Variants in ZIM2 observed in about 807,000 individuals in gnomAD.
The protein encoded by ZIM2 is zinc finger protein 656.
Under a neutral mutation model 38.6 loss-of-function variants are expected in ZIM2, and 14 were observed. The observed-to-expected ratio is 0.36, with a 90% confidence interval of 0.24 to 0.57. The LOEUF (loss-of-function observed/expected upper bound fraction) is 0.57. ZIM2 is among the 20% of genes least tolerant of loss of function. The pLI, the probability that ZIM2 is intolerant of heterozygous loss-of-function variation, is 0.81. For missense variants in ZIM2, 680 were observed against 695.1 expected, an observed-to-expected ratio of 0.98 and a Z score of 0.24; for synonymous variants, 247 against 245.8, an observed-to-expected ratio of 1.00 and a Z score of -0.04.
rs142812986 is a variant in ZIM2 at position 56,783,428 on chromosome 19, G to A, written c.571-1307C>T. On this transcript the variant is annotated intron_variant, in intron 10 of 12. Coordinates refer to ENST00000629319, the MANE Select transcript of ZIM2 (RefSeq NM_001387356.1). Reference sequence around the variant, plus strand: ...CCCAAGTGCCCATCTACAGTGAACTGGATAAAGAAAATGAGGTGTGTATAC... The same window carrying A: ...CCCAAGTGCCCATCTACAGTGAACTAGATAAAGAAAATGAGGTGTGTATAC... Among the ~76,000 whole-genome samples the A allele has an allele frequency of 1.8e-4, 27 of 152,238 alleles. No homozygotes were observed. The East Asian group carries it at 5.0e-3, about 28-fold the overall frequency.
intron 12 of ZIM2, among the ~76,000 whole-genome samples, chr19:56,777,966 C>T (rs1322661040): frequency 6.6e-6 from 1 of 152,114 alleles, no homozygotes; most frequent in Non-Finnish European, 1.5e-5. Context: ...ATCTCAGGGC[C>T]CTGGCACTTG....
chr19:56,789,954 A>G lies in ZIM2; in HGVS notation c.491-3T>C. The G allele has an allele frequency of 6.5e-7, 1 of 1,549,562 alleles. No individual in the cohort carries two copies. The highest frequency in any genetic ancestry group is 8.8e-7 in the Non-Finnish European group (1 of 1,136,982). On this transcript the variant is annotated splice_region_variant and splice_polypyrimidine_tract_variant and intron_variant, in intron 9 of 12. Transcript: ENST00000629319. ...GACAGAGTCCTGAGCAAGGAAACCTAGAAGGGAGAGAGGAATACCATGGAA... is the reference window on the plus strand; with the variant it reads ...GACAGAGTCCTGAGCAAGGAAACCTGGAAGGGAGAGAGGAATACCATGGAA...
chr19:56,825,377 G>A (rs28566157), intron 3 of ZIM2, among the ~76,000 whole-genome samples: 3,189 of 152,280 alleles, frequency 0.021, 112 homozygotes, highest in African/African-American at 0.072. Flanking sequence ...GCTACTGCAC[G>A]TTCTTTTGCC....
In ZIM2 at chr19:56,817,178, T is replaced by A. The variant is rs2060055681; in HGVS notation, c.490+568A>T. On this transcript the variant is annotated intron_variant, in intron 9 of 12. Coordinates refer to ENST00000629319, the MANE Select transcript of ZIM2 (RefSeq NM_001387356.1). ...CTGCTCACGCTCATGGCTTTTCTCA[T>A]CTCACTACCACATTCAAAGGGCTTC... is the stretch of plus-strand genomic sequence containing the variant. 1 of 1,614,096 alleles carries A rather than the reference T, an allele frequency of 6.2e-7. No homozygotes were observed. Among genetic ancestry groups the A allele is most frequent in the Non-Finnish European group, 8.5e-7 (1 of 1,180,034 alleles).
chr19:56,796,348 A>G (rs541699058), intron 9 of ZIM2, among the ~76,000 whole-genome samples: 1 of 152,300 alleles, frequency 6.6e-6, no homozygotes, highest in African/African-American at 2.4e-5. Flanking sequence ...CACATGGCAA[A>G]TTTAAGTTGT....
At chr19:56,818,566 G>A (rs1340030833) in intron 8 of ZIM2, 34 bp downstream of exon 8, 1 of 1,610,354 alleles carries the variant, frequency 6.2e-7, no homozygotes, top group Non-Finnish European at 8.5e-7. Context: ...TCCAATGACT[G>A]GACTGGGAGT....
chr19:56,810,762 A>G, intron 9 of ZIM2: 1 of 983,544 alleles, frequency 1.0e-6, no homozygotes, highest in Admixed American at 6.1e-5. Context: ...GTGCACTGAA[A>G]CAAGATAGAG....
intron 10 of ZIM2, among the ~76,000 whole-genome samples, chr19:56,784,130 T>C (rs779824001): frequency 1.3e-5 from 2 of 152,206 alleles, no homozygotes; most frequent in African/African-American, 2.4e-5. Context: ...CAAAGGTACA[T>C]TGTTGTTAGG....
At chr19:56,791,238 A>G (rs924134409) in intron 9 of ZIM2, 20 of 152,298 alleles carry the variant, frequency 1.3e-4, no homozygotes, top group Admixed American at 1.2e-3. Flanking sequence ...AATTATTAAT[A>G]TAAGTTGTGG....
intron 9 of ZIM2, among the ~76,000 whole-genome samples, chr19:56,807,521 T>C (rs2047815749): frequency 6.6e-6 from 1 of 152,258 alleles, no homozygotes; most frequent in Non-Finnish European, 1.5e-5. Flanking sequence ...CAAAAAAACA[T>C]GTCTAGGCCA....
In ZIM2 at chr19:56,814,236, G is replaced by GGCAGCCTCCACTTCTGGCTCA; in HGVS notation, c.490+3489_490+3509dup. The GGCAGCCTCCACTTCTGGCTCA allele has an allele frequency of 6.2e-7, 1 of 1,611,334 alleles. No homozygotes were observed. Among genetic ancestry groups the GGCAGCCTCCACTTCTGGCTCA allele is most frequent in the Non-Finnish European group, 8.5e-7 (1 of 1,178,810 alleles). On this transcript the variant is annotated intron_variant, in intron 9 of 12. Coordinates refer to ENST00000629319, the MANE Select transcript of ZIM2 (RefSeq NM_001387356.1). The surrounding 1 kb of genome is among the most constrained non-coding windows in gnomAD (Gnocchi z 5.8). ...GCTCAGCAGCCTCCACTTCTGGCTCGGCAGCCTCCACTTCTGGCTCAGCAG... is the reference window on the plus strand; with the variant it reads ...GCTCAGCAGCCTCCACTTCTGGCTCGGCAGCCTCCACTTCTGGCTCAGCAGCCTCCACTTCTGGCTCAGCAG...
intron 10 of ZIM2, 90 bp from the exon 11 acceptor site, chr19:56,782,211 A>C: frequency 6.6e-7 from 1 of 1,511,308 alleles, no homozygotes; most frequent in Non-Finnish European, 8.9e-7. Flanking sequence ...ACGTGCTCTA[A>C]TCCAGAGCCA....
chr19:56,806,228 G>GC (rs1374387723), intron 9 of ZIM2, among the ~76,000 whole-genome samples: 1 of 152,156 alleles, frequency 6.6e-6, no homozygotes, highest in Non-Finnish European at 1.5e-5. Flanking sequence ...GTAATGAAGA[G>GC]CCCCCAATTA....
intron 8 of ZIM2, among the ~76,000 whole-genome samples, chr19:56,818,221 C>T (rs1390506208): frequency 6.6e-6 from 1 of 152,198 alleles, no homozygotes; most frequent in Non-Finnish European, 1.5e-5. Flanking sequence ...AGACCTGCAG[C>T]ACAGCCAACT....
chr19:56,804,060 T>C (rs2146006938), intron 9 of ZIM2, among the ~76,000 whole-genome samples: 1 of 152,316 alleles, frequency 6.6e-6, no homozygotes, highest in South Asian at 2.1e-4. Context: ...ATCAAAAAGG[T>C]GGCTGGGACT....
At chr19:56,775,814 G>GT (rs1422172919) in intron 12 of ZIM2, among the ~76,000 whole-genome samples, 1 of 151,966 alleles carries the variant, frequency 6.6e-6, no homozygotes, top group African/African-American at 2.4e-5. Flanking sequence ...AGAAAGGACA[G>GT]TAAGTGGCCG....
chr19:56,819,781 T>C (rs543771148), intron 7 of ZIM2, among the ~76,000 whole-genome samples: 1 of 152,250 alleles, frequency 6.6e-6, no homozygotes, highest in African/African-American at 2.4e-5. Flanking sequence ...GTAAAGGAAA[T>C]ACAAATGTCT....
chr19:56,779,174 G>C (rs2046187988), intron 12 of ZIM2, among the ~76,000 whole-genome samples: 1 of 152,072 alleles, frequency 6.6e-6, no homozygotes, highest in Admixed American at 6.6e-5. Context: ...GAGGGTGAAA[G>C]GACACTGGCC....
intron 9 of ZIM2, chr19:56,791,163 A>T (rs1202961810): frequency 6.6e-6 from 1 of 152,192 alleles, no homozygotes; most frequent in Non-Finnish European, 1.5e-5. Flanking sequence ...TGAGGCACTC[A>T]TGTAACACGG....
Sources: gnomAD v4.1 joint callset for allele counts (sites outside exome capture counted in the v4.1 genomes callset) on GRCh38, gnomAD v4.1.1 for gene constraint, Gnocchi (gnomAD v3.1) non-coding constraint, MANE v1.5 for transcripts, NCBI Gene and HGNC (gene_info 2026-07-23, HGNC 2026-07-21) for gene names.